KRT84: variants seen among roughly 807,000 people sequenced by gnomAD.
The protein encoded by KRT84 is keratin, type II cuticular Hb4.
KRT84 carries 38 observed loss-of-function variants against 49.0 expected under a neutral mutation model. The observed-to-expected ratio is 0.78, with a 90% CI of 0.60 to 1.02. KRT84 has a LOEUF of 1.02. Among genes scored for constraint, KRT84 ranks in the 50% least tolerant of loss-of-function variants. KRT84 has a pLI of 0.00. For missense variants in KRT84, 860 were observed against 788.6 expected, an observed-to-expected ratio of 1.09 and a Z score of -1.08; for synonymous variants, 334 against 312.8, an observed-to-expected ratio of 1.07 and a Z score of -0.72.
At chr12:52,384,137 T>A (rs1278661587) in intron 1 of KRT84, among the ~76,000 whole-genome samples, 2 of 152,252 alleles carry the variant, frequency 1.3e-5, no homozygotes, top group Non-Finnish European at 2.9e-5. Context: ...TGAAAACTGA[T>A]GCCAGGCATC....
intron 8 of KRT84, 100 bp from the exon 9 acceptor site, chr12:52,378,480 G>C (rs562444548): frequency 2.4e-4 from 222 of 929,506 alleles, no homozygotes; most frequent in Non-Finnish European, 3.1e-4. Context: ...GGAGGGAGTG[G>C]GGTCAGGGTT....
chr12:52,382,559 C>CTGTTTCACCT, intron 3 of KRT84, 27 bp from the exon 4 acceptor site: 1 of 1,568,696 alleles, frequency 6.4e-7, no homozygotes, highest in Non-Finnish European at 8.8e-7. Flanking sequence ...AGGATAAATA[C>CTGTTTCACCT]TCATCGCCTG....
rs536491442 is a variant in KRT84 at position 52,380,212 on chromosome 12, A to G, written c.1424+151T>C. On this transcript the variant is annotated intron_variant, in intron 7 of 8. Transcript: ENST00000257951. ...TCTAGAGCCTTCTTCTGATTCCCTG[A>G]CAAGGGCAATGCAACTAATGTTTGC... is the stretch of plus-strand genomic sequence containing the variant. The G allele has an allele frequency of 6.1e-6, 6 of 986,234 alleles. No individual in the cohort carries two copies. The South Asian group carries it at 1.0e-4, about 17-fold the overall frequency. 61.1% of individuals were successfully genotyped at this position (986,234 alleles called of 1,614,324 possible).
At chr12:52,386,330 G>GAGGGTA, upstream of KRT84, among the ~76,000 whole-genome samples, 1 of 152,048 alleles carries the variant, frequency 6.6e-6, no homozygotes, top group East Asian at 1.9e-4. Context: ...GCTTGCTGCT[G>GAGGGTA]AGGGTACAGA....
chr12:52,381,149 C>T lies in KRT84; in HGVS notation c.1134G>A (p.Arg378=). The T allele has an allele frequency of 1.2e-6, 2 of 1,614,182 alleles. No homozygotes were observed. The highest frequency in any genetic ancestry group is 1.7e-6 in the Non-Finnish European group (2 of 1,180,032). The change falls in exon 6 of 9, where the codon CGG becomes CGA. Residue 378 remains arginine, a synonymous_variant. Transcript: ENST00000257951. ...GQHCDNLRNI[R]NEINELTRLI... ...GGCGGGTCAGTTCGTTGATCTCGTT[C>T]CGTATGTTGCGCAGGTTGTCACAGT...
intron 8 of KRT84, 60 bp downstream of exon 8, chr12:52,379,816 A>C (rs1939448504): frequency 2.1e-6 from 3 of 1,415,916 alleles, no homozygotes; most frequent in Non-Finnish European, 3.0e-6. Flanking sequence ...TGTGAGCCTG[A>C]GTTTAAAGGA....
In KRT84 at chr12:52,385,611, G is replaced by T; in HGVS notation, c.-26C>A. 1 of 1,603,414 alleles carries T rather than the reference G, an allele frequency of 6.2e-7. No individual in the cohort carries two copies. The highest frequency in any genetic ancestry group is 8.5e-7 in the Non-Finnish European group (1 of 1,174,902). On this transcript the variant is annotated 5_prime_UTR_variant, in exon 1 of 9. Transcript: ENST00000257951. ...GATGGCTTCCTGGTTGGGAGCAAAA[G>T]AGCAAGTGTAGAATGGGTGAGCTGG...
chr12:52,378,238 G>A lies in KRT84; in HGVS notation c.1599C>T (p.Ser533=). The change falls in exon 9 of 9, where the codon AGC becomes AGT. Residue 533 remains serine, a synonymous_variant. Transcript: ENST00000257951. The stretch of plus-strand genomic sequence containing the variant: ...CCGGGGCGACCCGGGCTCCACCCAG[G>A]CTGGGGCCACAGGAAGCCAGGACCC... The part of the protein sequence containing the change: ...TSGVLASCGP[S]LGGARVAPAT... 1 of 1,564,754 alleles carries A rather than the reference G, an allele frequency of 6.4e-7. No individual in the cohort carries two copies. The highest frequency in any genetic ancestry group is 8.6e-7 in the Non-Finnish European group (1 of 1,156,102).
chr12:52,380,305 T>G, intron 7 of KRT84, 58 bp downstream of exon 7: 3 of 1,592,058 alleles, frequency 1.9e-6, no homozygotes, highest in Non-Finnish European at 2.6e-6. Context: ...TTCTCTTCCT[T>G]AGTCTTTCTA....
rs763435344 is a variant in KRT84 at position 52,385,600 on chromosome 12, T to G, written c.-15A>C. On this transcript the variant is annotated 5_prime_UTR_variant, in exon 1 of 9. Coordinates refer to ENST00000257951, the MANE Select transcript of KRT84 (RefSeq NM_033045.4). ...CGGCAAGACATGATGGCTTCCTGGT[T>G]GGGAGCAAAAGAGCAAGTGTAGAAT... is the stretch of plus-strand genomic sequence containing the variant. 98 of 1,608,852 alleles carry G rather than the reference T, an allele frequency of 6.1e-5. No individual in the cohort carries two copies. The highest frequency in any genetic ancestry group is 8.2e-5 in the Non-Finnish European group (96 of 1,177,222).
At chr12:52,379,462 T>G (rs1313201087) in intron 8 of KRT84, among the ~76,000 whole-genome samples, 1 of 152,242 alleles carries the variant, frequency 6.6e-6, no homozygotes, top group Non-Finnish European at 1.5e-5. Flanking sequence ...CAACCCATGC[T>G]TCGGCTGCAG....
intron 5 of KRT84, 76 bp downstream of exon 5, chr12:52,381,285 C>T: frequency 1.2e-6 from 2 of 1,608,188 alleles, no homozygotes; most frequent in Non-Finnish European, 8.5e-7. Flanking sequence ...GGCTTCAAAC[C>T]TCCCTGGGCC....
At position 52,380,034 on chromosome 12, in the gene KRT84, A is replaced by C. The variant is rs146030938; in HGVS notation, c.1425-127T>G. On this transcript the variant is annotated intron_variant, in intron 7 of 8. Transcript: ENST00000257951. ...GTAGTTCTCACCCCTGGTTATACACACATCTGGGGAGCGTTGAAAAACACG... is the reference window on the plus strand; with the variant it reads ...GTAGTTCTCACCCCTGGTTATACACCCATCTGGGGAGCGTTGAAAAACACG... 6 of 790,288 alleles carry C rather than the reference A, an allele frequency of 7.6e-6. No individual in the cohort carries two copies. In the African/African-American group the frequency reaches 1.1e-4, roughly 14 times the overall value. 49.0% of individuals were successfully genotyped at this position (790,288 alleles called of 1,614,324 possible).
intron 3 of KRT84, among the ~76,000 whole-genome samples, chr12:52,382,769 G>A (rs975154674): frequency 6.6e-6 from 1 of 152,198 alleles, no homozygotes; most frequent in African/African-American, 2.4e-5. Flanking sequence ...GATAATCCAA[G>A]ATACTTAGGT....
In KRT84 at chr12:52,377,987, C is replaced by A. The variant is rs748191331; in HGVS notation, c.*47G>T. 6 of 1,343,684 alleles carry A rather than the reference C, an allele frequency of 4.5e-6. No individual in the cohort carries two copies. In the East Asian group the frequency reaches 1.7e-4, roughly 38 times the overall value. The allele number at this position is 1,343,684 out of a possible 1,614,324, so 83.2% of individuals were successfully genotyped here. A position where few individuals can be genotyped will look rare whatever the true frequency, so the allele number is the denominator to read the frequency against. On this transcript the variant is annotated 3_prime_UTR_variant, in exon 9 of 9. Coordinates refer to ENST00000257951, the MANE Select transcript of KRT84 (RefSeq NM_033045.4). ...GAACCCTGGGGGCAGAAGCAGGAGCCGTGGAGCTGGTTCTTCTCTGGGCAG... is the reference window on the plus strand; with the variant it reads ...GAACCCTGGGGGCAGAAGCAGGAGCAGTGGAGCTGGTTCTTCTCTGGGCAG...
Position 52,378,215 on chromosome 12 carries a change from G to A in KRT84, c.1622C>T (p.Pro541Leu), listed in dbSNP as rs376472932. The A allele has an allele frequency of 2.6e-5, 41 of 1,569,244 alleles. No homozygotes were observed. The highest frequency in any genetic ancestry group is 7.0e-5 in the East Asian group (3 of 42,758). The change falls in exon 9 of 9, where the codon CCG (proline) becomes CTG (leucine). Residue 541 changes from proline (P) to leucine (L), a missense_variant. Coordinates refer to ENST00000257951, the MANE Select transcript of KRT84 (RefSeq NM_033045.4). ...AGTGCTCAGCAGGTCCCCAGTGGCCGGGGCGACCCGGGCTCCACCCAGGCT... is the reference window on the plus strand; with the variant it reads ...AGTGCTCAGCAGGTCCCCAGTGGCCAGGGCGACCCGGGCTCCACCCAGGCT... ...GPSLGGARVA[P>L]ATGDLLSTGT...
chr12:52,382,933 G>C, intron 3 of KRT84, 72 bp downstream of exon 3: 3 of 1,332,242 alleles, frequency 2.3e-6, no homozygotes, highest in Non-Finnish European at 3.2e-6. Context: ...TGCCTGAGCA[G>C]TTTCCTGGGG....
At position 52,385,573 on chromosome 12, in the gene KRT84, A is replaced by G; in HGVS notation, c.13T>C (p.Ser5Pro). 1 of 1,613,146 alleles carries G rather than the reference A, an allele frequency of 6.2e-7. No homozygotes were observed. Among genetic ancestry groups the G allele is most frequent in the Non-Finnish European group, 8.5e-7 (1 of 1,179,376 alleles). Reference sequence around the variant, plus strand: ...CGGTGACCAGAGCTGACTCGGTAGGAGCGGCAAGACATGATGGCTTCCTGG... The same window carrying G: ...CGGTGACCAGAGCTGACTCGGTAGGGGCGGCAAGACATGATGGCTTCCTGG... MSCRSYRVSSGHRVG... is the reference protein window; with the variant it reads MSCRPYRVSSGHRVG... The change falls in exon 1 of 9, where the codon TCC becomes CCC. Residue 5 changes from serine to proline, a missense_variant. By Grantham distance (74) the Ser-to-Pro change is moderately conservative (BLOSUM62 -1). Transcript: ENST00000257951.
chr12:52,378,754 T>G (rs1045198416), intron 8 of KRT84, among the ~76,000 whole-genome samples: 1 of 152,202 alleles, frequency 6.6e-6, no homozygotes, highest in Non-Finnish European at 1.5e-5. Context: ...GCCATGGGCC[T>G]TTTCTCTTCC....
Sources: gnomAD v4.1 joint callset for allele counts (sites outside exome capture counted in the v4.1 genomes callset) on GRCh38, gnomAD v4.1.1 for gene constraint, MANE v1.5 for transcripts, NCBI Gene and HGNC (gene_info 2026-07-23, HGNC 2026-07-21) for gene names.